BICC1: variants seen among roughly 807,000 people sequenced by gnomAD.
BICC1 encodes the protein BicC family RNA binding protein 1.
Under a neutral mutation model 111.0 loss-of-function variants are expected in BICC1, and 43 were observed. The ratio of observed to expected loss-of-function variants is 0.39; its 90% CI spans 0.30 to 0.50. The LOEUF (loss-of-function observed/expected upper bound fraction) is 0.50, where lower values mean the gene tolerates loss of function less well. BICC1 is among the 20% of genes least tolerant of loss of function. The pLI is 0.88. For missense variants in BICC1, 1,091 were observed against 1,203.2 expected (o/e 0.91, Z 1.38); for synonymous variants, 467 against 434.4 (o/e 1.07, Z -0.93).
chr10:58,532,691 C>T (rs1842713405), intron 1 of BICC1, among the ~76,000 whole-genome samples: 1 of 151,808 alleles, frequency 6.6e-6, no homozygotes. Flanking sequence ...AATGGCCAAA[C>T]ACCATAGGCA....
intron 2 of BICC1, among the ~76,000 whole-genome samples, chr10:58,670,406 TCA>T (rs1839148793): frequency 6.6e-6 from 1 of 152,142 alleles, no homozygotes; most frequent in Non-Finnish European, 1.5e-5. Flanking sequence ...ACCATTATTA[TCA>T]CATTATCATC....
intron 3 of BICC1, among the ~76,000 whole-genome samples, chr10:58,774,982 T>A (rs1842711220): frequency 6.6e-6 from 1 of 152,184 alleles, no homozygotes; most frequent in Non-Finnish European, 1.5e-5. Flanking sequence ...GACTAATTGG[T>A]CACCCTTATC....
intron 1 of BICC1, among the ~76,000 whole-genome samples, chr10:58,538,843 AATC>A (rs1266187047): frequency 6.6e-6 from 1 of 151,890 alleles, no homozygotes. Flanking sequence ...CAACATCACT[AATC>A]ATCAGGGAAA....
intron 3 of BICC1, among the ~76,000 whole-genome samples, chr10:58,722,428 T>C (rs565998803): frequency 6.6e-6 from 1 of 152,354 alleles, no homozygotes; most frequent in African/African-American, 2.4e-5. Context: ...AGAACACATA[T>C]TGTTTGTTTA....
Position 58,738,467 on chromosome 10 carries a change from A to T in BICC1, c.307+36324A>T, listed in dbSNP as rs1325612104. Among the ~76,000 whole-genome samples the T allele has an allele frequency of 3.3e-5, 5 of 152,306 alleles. No individual in the cohort carries two copies. The East Asian group carries it at 5.8e-4, about 18-fold the overall frequency. On this transcript the variant is annotated intron_variant, in intron 3 of 20. Coordinates refer to ENST00000373886, the MANE Select transcript of BICC1 (RefSeq NM_001080512.3). ...TCTATATCTCTGTGTTGGTGCCAGT[A>T]CCATGCTGTTTTGGTTACTGTAGCC...
At chr10:58,780,757 A>C (rs1054920218) in intron 3 of BICC1, among the ~76,000 whole-genome samples, 1 of 152,214 alleles carries the variant, frequency 6.6e-6, no homozygotes, top group Non-Finnish European at 1.5e-5. Flanking sequence ...TTTTAAAAGC[A>C]TAACTAAACT....
At chr10:58,620,974 G>A (rs1845785288) in intron 2 of BICC1, 73 bp downstream of exon 2, 4 of 1,287,378 alleles carry the variant, frequency 3.1e-6, no homozygotes, top group Admixed American at 1.9e-5. Context: ...TACCCTAGAA[G>A]CCACCGAACG....
chr10:58,764,071 T>A (rs183721454), intron 3 of BICC1, among the ~76,000 whole-genome samples: 9 of 152,230 alleles, frequency 5.9e-5, no homozygotes, highest in African/African-American at 2.2e-4. Flanking sequence ...CATACTGATG[T>A]TTACTTACAC....
In BICC1 at chr10:58,588,494, T is replaced by G. The variant is rs144114342; in HGVS notation, c.191-32361T>G. ...AGAGCTGCTTCTGCATTTCATACTT[T>G]CATTCTTTTTTGTCTACCTTGAATT... On this transcript the variant is annotated intron_variant, in intron 1 of 20. Transcript: ENST00000373886. Among the ~76,000 whole-genome samples, 116 of 152,334 alleles carry G rather than the reference T, an allele frequency of 7.6e-4. 1 individual carries two copies. The East Asian group carries it at 0.016, about 21-fold the overall frequency.
At chr10:58,700,007 A>G (rs1477153111) in intron 2 of BICC1, among the ~76,000 whole-genome samples, 1 of 152,162 alleles carries the variant, frequency 6.6e-6, no homozygotes, top group African/African-American at 2.4e-5. Flanking sequence ...TTTCTATCTT[A>G]TCTCTTTGAG....
chr10:58,670,339 C>T (rs1839146107), intron 2 of BICC1, among the ~76,000 whole-genome samples: 1 of 152,106 alleles, frequency 6.6e-6, no homozygotes, highest in African/African-American at 2.4e-5. Flanking sequence ...ATGTAGCATT[C>T]AATGTGTTTC....
intron 3 of BICC1, among the ~76,000 whole-genome samples, chr10:58,705,617 A>T (rs905621121): frequency 6.6e-6 from 1 of 152,362 alleles, no homozygotes; most frequent in Middle Eastern, 3.4e-3. Flanking sequence ...GGGCAAAAGT[A>T]ATAGAAATAT....
At chr10:58,683,799 A>G (rs373072831) in intron 2 of BICC1, among the ~76,000 whole-genome samples, 3 of 152,228 alleles carry the variant, frequency 2.0e-5, no homozygotes, top group Non-Finnish European at 2.9e-5. Context: ...TTTTCTAAAT[A>G]TACAATCATG....
intron 1 of BICC1, among the ~76,000 whole-genome samples, chr10:58,515,067 A>C (rs1162963950): frequency 3.9e-5 from 6 of 152,212 alleles, no homozygotes; most frequent in Admixed American, 6.5e-5. Flanking sequence ...TTAGAAGTGA[A>C]TTTCCTTTTT....
chr10:58,690,627 C>T (rs933748169), intron 2 of BICC1, among the ~76,000 whole-genome samples: 1 of 152,168 alleles, frequency 6.6e-6, no homozygotes, highest in African/African-American at 2.4e-5. Flanking sequence ...AAACCTAATC[C>T]TTACCTCCTT....
At chr10:58,665,751 C>A (rs1382436931) in intron 2 of BICC1, among the ~76,000 whole-genome samples, 1 of 152,114 alleles carries the variant, frequency 6.6e-6, no homozygotes, top group East Asian at 1.9e-4. Context: ...TTTTTTAAAA[C>A]CCACGCTGTA....
At chr10:58,546,283 G>T (rs997152446) in intron 1 of BICC1, among the ~76,000 whole-genome samples, 5 of 152,070 alleles carry the variant, frequency 3.3e-5, no homozygotes, top group African/African-American at 1.2e-4. Flanking sequence ...GGTGGAGATT[G>T]AGGCAAACTA....
intron 3 of BICC1, among the ~76,000 whole-genome samples, chr10:58,702,659 T>G (rs967323211): frequency 2.0e-5 from 3 of 152,192 alleles, no homozygotes; most frequent in Non-Finnish European, 2.9e-5. Context: ...TATGGGACAC[T>G]ACCCAGTGCA....
intron 3 of BICC1, among the ~76,000 whole-genome samples, chr10:58,723,917 C>A (rs572667224): frequency 2.0e-5 from 3 of 152,102 alleles, no homozygotes; most frequent in African/African-American, 4.8e-5. Flanking sequence ...TGTTGTCTAG[C>A]AAAATTAAAT....
Sources: gnomAD v4.1 joint callset for allele counts (sites outside exome capture counted in the v4.1 genomes callset) on GRCh38, gnomAD v4.1.1 for gene constraint, MANE v1.5 for transcripts, NCBI Gene and HGNC (gene_info 2026-07-23, HGNC 2026-07-21) for gene names.